The following KAZN variants were observed in gnomAD, a reference collection of about 807,000 sequenced individuals.
The protein encoded by KAZN is kazrin.
In KAZN, 40 loss-of-function variants were observed where a neutral mutation model predicts 87.4. That is an observed-to-expected ratio of 0.46 (90% CI 0.36 to 0.60). The LOEUF is 0.60. Among genes scored for constraint, KAZN ranks in the 20% least tolerant of loss-of-function variants. KAZN has a pLI of 0.00. For missense variants in KAZN, 898 were observed against 1,073.9 expected, an observed-to-expected ratio of 0.84 and a Z score of 2.29; for synonymous variants, 466 against 458.3, an observed-to-expected ratio of 1.02 and a Z score of -0.22.
chr1:14,092,790 A>G (rs998192028), intron 1 of KAZN, among the ~76,000 whole-genome samples: 5 of 152,164 alleles, frequency 3.3e-5, no homozygotes, highest in Non-Finnish European at 7.3e-5. Flanking sequence ...GTCCAACGCT[A>G]CAATTTTTTG....
At chr1:14,572,708 A>G (rs1468378827) in intron 2 of KAZN, among the ~76,000 whole-genome samples, 1 of 152,120 alleles carries the variant, frequency 6.6e-6, no homozygotes, top group Non-Finnish European at 1.5e-5. Context: ...GGGTATGTGT[A>G]CCTCATTTGT....
chr1:14,185,505 C>T (rs997485743), intron 2 of KAZN, among the ~76,000 whole-genome samples: 4 of 152,158 alleles, frequency 2.6e-5, no homozygotes, highest in Admixed American at 6.5e-5. Flanking sequence ...TCCTTTCCTG[C>T]GAGTTTGCAA....
intron 1 of KAZN, among the ~76,000 whole-genome samples, chr1:14,958,332 C>T (rs1449025639): frequency 6.6e-6 from 1 of 151,134 alleles, no homozygotes. Flanking sequence ...GTATGTGGAG[C>T]ACTTCCTATG....
chr1:14,981,553 C>CT (rs1666250845), intron 2 of KAZN, among the ~76,000 whole-genome samples: 1 of 152,260 alleles, frequency 6.6e-6, no homozygotes. Flanking sequence ...AACCCCATCT[C>CT]TGGGGGGTTA....
chr1:14,459,254 T>TGC (rs1399520178), intron 2 of KAZN, among the ~76,000 whole-genome samples: 6 of 112,160 alleles, frequency 5.3e-5, no homozygotes, highest in Non-Finnish European at 1.2e-4. Flanking sequence ...ATATGGTGTG[T>TGC]GTGCGCGTGT....
intron 2 of KAZN, among the ~76,000 whole-genome samples, chr1:14,981,416 GT>G (rs1189010737): frequency 6.6e-6 from 1 of 152,272 alleles, no homozygotes; most frequent in Non-Finnish European, 1.5e-5. Flanking sequence ...CTTATATGGA[GT>G]TTTTATGCAA....
intron 2 of KAZN, among the ~76,000 whole-genome samples, chr1:14,543,542 A>G (rs898763418): frequency 2.0e-5 from 3 of 152,212 alleles, no homozygotes; most frequent in Non-Finnish European, 4.4e-5. Context: ...AATTTATATC[A>G]GCTCATTAAA....
chr1:14,913,506 G>A (rs982690874), intron 1 of KAZN, among the ~76,000 whole-genome samples: 1 of 152,222 alleles, frequency 6.6e-6, no homozygotes, highest in Non-Finnish European at 1.5e-5. Context: ...ATTCTAATTA[G>A]TCCCATTGGG....
chr1:14,381,567 G>A (rs1571459189), intron 2 of KAZN, among the ~76,000 whole-genome samples: 1 of 152,118 alleles, frequency 6.6e-6, no homozygotes, highest in Admixed American at 6.5e-5. Flanking sequence ...TGGACTAAAG[G>A]ACAAAAACCA....
At chr1:14,592,153 A>G (rs1234076427) in intron 2 of KAZN, among the ~76,000 whole-genome samples, 1 of 152,190 alleles carries the variant, frequency 6.6e-6, no homozygotes, top group African/African-American at 2.4e-5. Context: ...ATGTAAATGT[A>G]CAAGAAATTC....
Position 14,741,311 on chromosome 1 carries a change from C to T in KAZN, c.226+142088C>T, listed in dbSNP as rs534826228. Among the ~76,000 whole-genome samples the T allele has an allele frequency of 9.8e-5, 15 of 152,354 alleles. No individual in the cohort carries two copies. In the South Asian group the frequency reaches 1.0e-3, roughly 11 times the overall value. ...CCTGAAGCACACAGTTGCTCAATGT[C>T]GGGCATGAGGATGCTAGAGGAGGGG... On this transcript the variant is annotated intron_variant, in intron 1 of 14. Coordinates refer to ENST00000376030, the MANE Select transcript of KAZN (RefSeq NM_201628.3).
In KAZN at chr1:14,185,994, A is replaced by G. The variant is rs374824144; in HGVS notation, c.249+5402A>G. ...AAAAAGATTGATTTCCATTCATTGTATTCTGAAGGAAAGTTGCACCTCTTA... is the reference window on the plus strand; with the variant it reads ...AAAAAGATTGATTTCCATTCATTGTGTTCTGAAGGAAAGTTGCACCTCTTA... On this transcript the variant is annotated intron_variant, in intron 2 of 16. Transcript: ENST00000636203. Among the ~76,000 whole-genome samples, 81 of 152,286 alleles carry G rather than the reference A, an allele frequency of 5.3e-4. No homozygotes were observed. The South Asian group carries it at 0.011, about 21-fold the overall frequency.
chr1:15,012,118 C>T (rs1314180981), intron 2 of KAZN, among the ~76,000 whole-genome samples: 1 of 152,144 alleles, frequency 6.6e-6, no homozygotes, highest in Non-Finnish European at 1.5e-5. Context: ...TACCATTCCT[C>T]GTTTTACAAA....
At chr1:14,736,071 T>G (rs1643888244) in intron 1 of KAZN, among the ~76,000 whole-genome samples, 1 of 152,042 alleles carries the variant, frequency 6.6e-6, no homozygotes, top group Admixed American at 6.6e-5. Flanking sequence ...TTTTATTACC[T>G]CCGGTGGATG....
intron 1 of KAZN, among the ~76,000 whole-genome samples, chr1:14,868,736 A>G (rs1443556937): frequency 1.3e-5 from 2 of 151,738 alleles, no homozygotes; most frequent in Non-Finnish European, 2.9e-5. Flanking sequence ...CCCAGCTACT[A>G]GGGAGGCTGG....
At chr1:14,614,763 G>T (rs1338941447) in intron 1 of KAZN, among the ~76,000 whole-genome samples, 1 of 152,210 alleles carries the variant, frequency 6.6e-6, no homozygotes, top group Non-Finnish European at 1.5e-5. Context: ...TAATTTCTAG[G>T]ACAAGGGCCT....
chr1:14,258,468 C>T (rs1434674391), intron 2 of KAZN, among the ~76,000 whole-genome samples: 1 of 150,310 alleles, frequency 6.7e-6, no homozygotes, highest in African/African-American at 2.5e-5. Context: ...ATCTCCTGAC[C>T]TCGTGATCCA....
chr1:14,314,170 C>G (rs1256249408), intron 2 of KAZN, among the ~76,000 whole-genome samples: 1 of 152,104 alleles, frequency 6.6e-6, no homozygotes, highest in African/African-American at 2.4e-5. Context: ...GTTTGCATAA[C>G]TCTGTATATG....
chr1:15,065,275 G>A (rs1427922117), intron 7 of KAZN, among the ~76,000 whole-genome samples: 2 of 152,074 alleles, frequency 1.3e-5, no homozygotes, highest in African/African-American at 2.4e-5. Context: ...TGATCCACCC[G>A]CCTGGGCTTC....
Sources: gnomAD v4.1 joint callset for allele counts (sites outside exome capture counted in the v4.1 genomes callset) on GRCh38, gnomAD v4.1.1 for gene constraint, MANE v1.5 for transcripts, NCBI Gene and HGNC (gene_info 2026-07-23, HGNC 2026-07-21) for gene names.